LMBRD2: variants seen among roughly 807,000 people sequenced by gnomAD.
LMBRD2 encodes the protein G protein-coupled receptor-associated protein LMBRD2.
In LMBRD2, 55 loss-of-function variants were observed where a neutral mutation model predicts 94.4. That is an observed-to-expected ratio of 0.58 (90% confidence interval 0.47 to 0.73). The LOEUF is 0.73. Ranked by LOEUF, LMBRD2 falls within the 30% of genes least tolerant of loss-of-function variation. The pLI is 0.00. For missense variants in LMBRD2, 640 were observed against 831.9 expected (o/e 0.77, Z 2.84); for synonymous variants, 246 against 272.4 (o/e 0.90, Z 0.95).
chr5:36,147,272 A>G (rs1373787745), intron 1 of LMBRD2, among the ~76,000 whole-genome samples: 2 of 152,190 alleles, frequency 1.3e-5, no homozygotes, highest in Non-Finnish European at 2.9e-5. Context: ...TGAGAAAATA[A>G]TAGTTTCAAA....
intron 1 of LMBRD2, among the ~76,000 whole-genome samples, chr5:36,147,523 C>T (rs942806739): frequency 2.6e-4 from 39 of 152,268 alleles, no homozygotes; most frequent in African/African-American, 7.9e-4. Context: ...GTGGGCATAT[C>T]GTACCCTTCA....
chr5:36,134,318 C>G (rs1744219865), intron 6 of LMBRD2, among the ~76,000 whole-genome samples: 1 of 152,066 alleles, frequency 6.6e-6, no homozygotes, highest in South Asian at 2.1e-4. Flanking sequence ...TCACAGTATA[C>G]ATTCATTTAT....
chr5:36,122,749 T>C, intron 8 of LMBRD2, 99 bp downstream of exon 8: 1 of 1,398,216 alleles, frequency 7.2e-7, no homozygotes, highest in Non-Finnish European at 9.5e-7. Flanking sequence ...AAGGAAGTTT[T>C]AAATACACAT....
At chr5:36,108,718 AT>A (rs1290498502) in intron 15 of LMBRD2, 79 bp from the exon 16 acceptor site, 1 of 535,348 alleles carries the variant, frequency 1.9e-6, no homozygotes, top group African/African-American at 1.9e-5. Flanking sequence ...ATGCAATATA[AT>A]TTATTTTCAT....
chr5:36,113,285 G>A (rs372241998), intron 13 of LMBRD2, among the ~76,000 whole-genome samples: 10 of 152,006 alleles, frequency 6.6e-5, no homozygotes, highest in African/African-American at 1.9e-4. Flanking sequence ...CCCCAGTCAC[G>A]TACCCCCTGC....
At chr5:36,110,396 G>T (rs959018976) in intron 14 of LMBRD2, among the ~76,000 whole-genome samples, 3 of 151,808 alleles carry the variant, frequency 2.0e-5, no homozygotes, top group African/African-American at 7.3e-5. Context: ...CCCAGGATAT[G>T]CCCTACAGAC....
At chr5:36,112,192 G>GT (rs1013092563) in intron 13 of LMBRD2, among the ~76,000 whole-genome samples, 5 of 152,114 alleles carry the variant, frequency 3.3e-5, no homozygotes, top group African/African-American at 9.7e-5. Flanking sequence ...ATATAAAAAT[G>GT]TTTTTTATGC....
Position 36,116,613 on chromosome 5 carries a change from A to G in LMBRD2, c.1303-20T>C. 1 of 1,606,034 alleles carries G rather than the reference A, an allele frequency of 6.2e-7. No individual in the cohort carries two copies. The highest frequency in any genetic ancestry group is 1.3e-5 in the African/African-American group (1 of 74,380). The stretch of plus-strand genomic sequence containing the variant: ...GGCAATCTGGAAAAAAACAAAAACA[A>G]AGCAGTTTGTTTAAAACAAACAGAC... On this transcript the variant is annotated intron_variant, in intron 10 of 17. Coordinates refer to ENST00000296603, the MANE Select transcript of LMBRD2 (RefSeq NM_001007527.2).
chr5:36,133,109 T>C (rs1348485436), intron 6 of LMBRD2, among the ~76,000 whole-genome samples: 1 of 152,102 alleles, frequency 6.6e-6, no homozygotes, highest in Non-Finnish European at 1.5e-5. Flanking sequence ...CCCATGTTTA[T>C]TGCAGCAGTA....
At chr5:36,119,750 C>T (rs1468027096) in intron 9 of LMBRD2, among the ~76,000 whole-genome samples, 3 of 152,192 alleles carry the variant, frequency 2.0e-5, no homozygotes, top group Non-Finnish European at 4.4e-5. Flanking sequence ...ACCTTCTCTT[C>T]CCTCCTCAAA....
intron 14 of LMBRD2, among the ~76,000 whole-genome samples, chr5:36,110,305 C>T (rs1026578010): frequency 6.6e-6 from 1 of 152,050 alleles, no homozygotes; most frequent in Non-Finnish European, 1.5e-5. Context: ...AAGTTAAGTT[C>T]ATACTTCTTT....
At chr5:36,145,091 G>A (rs1744506411) in intron 1 of LMBRD2, among the ~76,000 whole-genome samples, 1 of 152,106 alleles carries the variant, frequency 6.6e-6, no homozygotes, top group Admixed American at 6.6e-5. Context: ...CTCTATGAGA[G>A]CAGAGACTTG....
chr5:36,137,886 C>G (rs954659099), intron 4 of LMBRD2, among the ~76,000 whole-genome samples: 5 of 152,164 alleles, frequency 3.3e-5, no homozygotes, highest in African/African-American at 1.2e-4. Context: ...AACCCAGCTT[C>G]AGGGTTCAGG....
chr5:36,123,554 A>T (rs1272609632), intron 7 of LMBRD2, among the ~76,000 whole-genome samples: 1 of 152,064 alleles, frequency 6.6e-6, no homozygotes, highest in Non-Finnish European at 1.5e-5. Context: ...CAGATTTAAA[A>T]TCTAGGAAAA....
chr5:36,129,080 A>T (rs1228317021), intron 6 of LMBRD2, among the ~76,000 whole-genome samples: 1 of 152,180 alleles, frequency 6.6e-6, no homozygotes, highest in African/African-American at 2.4e-5. Context: ...AAAAATAATA[A>T]AAAAGAATGA....
At chr5:36,140,713 T>C (rs756626702) in intron 4 of LMBRD2, among the ~76,000 whole-genome samples, 34 of 152,020 alleles carry the variant, frequency 2.2e-4, no homozygotes, top group Non-Finnish European at 3.8e-4. Context: ...GAGAAAGCCA[T>C]AAAGAGGACG....
At chr5:36,116,652 A>G in intron 10 of LMBRD2, 59 bp from the exon 11 acceptor site, 1 of 1,478,382 alleles carries the variant, frequency 6.8e-7, no homozygotes, top group East Asian at 2.3e-5. Context: ...AGCACTTAAC[A>G]ATTACAGGCA....
rs76878969 is a variant in LMBRD2 at position 36,103,829 on chromosome 5, T to G, written c.*217A>C. On this transcript the variant is annotated 3_prime_UTR_variant, in exon 18 of 18. Transcript: ENST00000296603. ...TAACTGTATTTCTAAGGCAGATGCTTAGGAAATGATATGTAATAAATCTTG... is the reference window on the plus strand; with the variant it reads ...TAACTGTATTTCTAAGGCAGATGCTGAGGAAATGATATGTAATAAATCTTG... The G allele has an allele frequency of 2.0e-3, 722 of 359,092 alleles. 10 individuals are homozygous for G. The East Asian group carries it at 0.029, about 14-fold the overall frequency. The allele number at this position is 359,092 out of a possible 1,614,324, so 22.2% of individuals were successfully genotyped here. A position where few individuals can be genotyped will look rare whatever the true frequency, so the allele number is the denominator to read the frequency against.
At chr5:36,106,499 T>C (rs1218010791) in intron 16 of LMBRD2, among the ~76,000 whole-genome samples, 1 of 147,414 alleles carries the variant, frequency 6.8e-6, no homozygotes, top group African/African-American at 2.4e-5. Context: ...TCCCAACTTT[T>C]TTTTCTTTCG....
Sources: allele counts gnomAD v4.1 joint callset (sites outside exome capture counted in the v4.1 genomes callset), GRCh38; gene constraint gnomAD v4.1.1; transcripts MANE v1.5; gene names NCBI Gene and HGNC (gene_info 2026-07-23, HGNC 2026-07-21).